The following BZW2 variants were observed in gnomAD, a reference collection of about 807,000 sequenced individuals.
BZW2 encodes the protein eIF5-mimic protein 1.
BZW2 carries 23 observed loss-of-function variants against 53.2 expected under a neutral mutation model. The ratio of observed to expected loss-of-function variants is 0.43; its 90% CI spans 0.31 to 0.61. The LOEUF is 0.61. Ranked by LOEUF, BZW2 falls within the 20% of genes least tolerant of loss-of-function variation. The pLI, the probability that BZW2 is intolerant of heterozygous loss-of-function variation, is 0.09. For missense variants in BZW2, 409 were observed against 503.1 expected (o/e 0.81, Z 1.79); for synonymous variants, 227 against 186.4 (o/e 1.22, Z -1.77).
chr7:16,661,466 G>A (rs549602724), intron 1 of BZW2, among the ~76,000 whole-genome samples: 16 of 152,202 alleles, frequency 1.1e-4, no homozygotes, highest in Non-Finnish European at 1.8e-4. Context: ...TTAAGGGACC[G>A]AATTTGAAAA....
At chr7:16,705,972 C>T in intron 11 of BZW2, 88 bp from the exon 12 acceptor site, 1 of 1,455,168 alleles carries the variant, frequency 6.9e-7, no homozygotes, top group Non-Finnish European at 9.6e-7. Context: ...GGTGCAATGG[C>T]AGGGTTCTGG....
At chr7:16,705,324 C>T (rs375500560) in intron 11 of BZW2, among the ~76,000 whole-genome samples, 6 of 151,324 alleles carry the variant, frequency 4.0e-5, no homozygotes, top group Admixed American at 1.3e-4. Flanking sequence ...CGCCACTGCA[C>T]GCCAGCCTGG....
intron 1 of BZW2, among the ~76,000 whole-genome samples, chr7:16,657,763 G>T (rs1026111022): frequency 1.3e-5 from 2 of 152,014 alleles, no homozygotes; most frequent in African/African-American, 4.8e-5. Flanking sequence ...GTTGCCACTG[G>T]TATGTTCAGA....
intron 2 of BZW2, among the ~76,000 whole-genome samples, chr7:16,668,184 T>C (rs561759152): frequency 2.0e-5 from 3 of 152,182 alleles, no homozygotes; most frequent in African/African-American, 7.2e-5. Context: ...TTTATTAGTG[T>C]GACGCTAATT....
At chr7:16,685,003 A>C (rs900663047) in intron 5 of BZW2, among the ~76,000 whole-genome samples, 6 of 152,220 alleles carry the variant, frequency 3.9e-5, no homozygotes, top group Admixed American at 2.0e-4. Context: ...GCGCAAAATA[A>C]TGGAAAATCA....
At chr7:16,691,542 A>C (rs1783305608) in intron 7 of BZW2, among the ~76,000 whole-genome samples, 1 of 152,198 alleles carries the variant, frequency 6.6e-6, no homozygotes, top group Non-Finnish European at 1.5e-5. Context: ...AAGTACCAGA[A>C]CACAGAGACT....
At chr7:16,698,358 TA>T in intron 10 of BZW2, 172 bp downstream of exon 10, 1 of 846,844 alleles carries the variant, frequency 1.2e-6, no homozygotes, top group Non-Finnish European at 1.8e-6. Flanking sequence ...AGAGGAGGCA[TA>T]CACGCCATAT....
intron 7 of BZW2, among the ~76,000 whole-genome samples, chr7:16,692,358 G>A (rs1783335735): frequency 6.6e-6 from 1 of 152,148 alleles, no homozygotes; most frequent in Non-Finnish European, 1.5e-5. Flanking sequence ...GAGATGGGGA[G>A]ATTGAAAGGA....
At chr7:16,661,023 C>A (rs697511) in intron 1 of BZW2, among the ~76,000 whole-genome samples, 88,602 of 151,954 alleles carry the variant, frequency 0.58, 26,632 homozygotes, top group African/African-American at 0.72. Flanking sequence ...AAATATTTTT[C>A]TTTTATTTCT....
At chr7:16,670,789 C>G (rs931607505) in intron 2 of BZW2, among the ~76,000 whole-genome samples, 4 of 152,182 alleles carry the variant, frequency 2.6e-5, no homozygotes, top group Admixed American at 1.3e-4. Context: ...TTTCTGCAGT[C>G]ACCATTTGCA....
At chr7:16,666,253 C>G (rs900402752) in intron 2 of BZW2, among the ~76,000 whole-genome samples, 1 of 151,958 alleles carries the variant, frequency 6.6e-6, no homozygotes, top group African/African-American at 2.4e-5. Context: ...CACCACCACA[C>G]CTGGCTACGT....
intron 1 of BZW2, among the ~76,000 whole-genome samples, chr7:16,652,379 A>G (rs559126406): frequency 1.3e-5 from 2 of 152,066 alleles, no homozygotes; most frequent in African/African-American, 2.4e-5. Context: ...CCGATTGTGC[A>G]ATACTTGGAA....
intron 10 of BZW2, among the ~76,000 whole-genome samples, chr7:16,704,343 A>G (rs555520173): frequency 6.6e-6 from 1 of 152,242 alleles, no homozygotes; most frequent in South Asian, 2.1e-4. Context: ...GATGTATATC[A>G]TCATCATCAG....
At chr7:16,651,725 C>G (rs1781987659) in intron 1 of BZW2, among the ~76,000 whole-genome samples, 1 of 152,054 alleles carries the variant, frequency 6.6e-6, no homozygotes, top group South Asian at 2.1e-4. Flanking sequence ...ATTCGTATGT[C>G]CCTAAGAGGC....
chr7:16,682,812 T>C lies in BZW2; in HGVS notation c.372T>C (p.Tyr124=). The change falls in exon 5 of 12, where the codon TAT becomes TAC. Residue 124 remains tyrosine, a synonymous_variant. Transcript: ENST00000258761. ...ATAAACTCATCAGGAGATATAAGTA[T>C]TTGGAGAAGGCATTTGAAGATGAAA... The part of the protein sequence containing the change: ...VFNKLIRRYK[Y]LEKAFEDEMK... 2 of 1,584,088 alleles carry C rather than the reference T, an allele frequency of 1.3e-6. No individual in the cohort carries two copies. The highest frequency in any genetic ancestry group is 1.7e-6 in the Non-Finnish European group (2 of 1,159,846).
intron 2 of BZW2, among the ~76,000 whole-genome samples, chr7:16,673,322 T>G (rs1453551244): frequency 1.3e-5 from 2 of 152,118 alleles, no homozygotes; most frequent in Non-Finnish European, 2.9e-5. Context: ...CCCCACAAAA[T>G]CAAAACCATT....
intron 2 of BZW2, among the ~76,000 whole-genome samples, chr7:16,666,218 C>T (rs1488211027): frequency 6.6e-6 from 1 of 151,978 alleles, no homozygotes; most frequent in Non-Finnish European, 1.5e-5. Context: ...CCTCAGCCTC[C>T]CAAGTAGCTG....
intron 5 of BZW2, among the ~76,000 whole-genome samples, chr7:16,684,732 C>T (rs188785043): frequency 1.3e-3 from 191 of 152,288 alleles, no homozygotes; most frequent in African/African-American, 4.5e-3. Flanking sequence ...CTCATTCCCT[C>T]ACTCCCTGGC....
chr7:16,659,191 T>C (rs1205018758), intron 1 of BZW2, among the ~76,000 whole-genome samples: 1 of 152,136 alleles, frequency 6.6e-6, no homozygotes, highest in Non-Finnish European at 1.5e-5. Flanking sequence ...TTGTGCCAAC[T>C]ATCTACCTTA....
Sources: allele counts gnomAD v4.1 joint callset (sites outside exome capture counted in the v4.1 genomes callset), GRCh38; gene constraint gnomAD v4.1.1; transcripts MANE v1.5; gene names NCBI Gene and HGNC (gene_info 2026-07-23, HGNC 2026-07-21).